YTHDC2: variants seen among roughly 807,000 people sequenced by gnomAD.
YTHDC2 encodes YTH N6-methyladenosine RNA binding protein C2, also known as 3'-5' RNA helicase YTHDC2.
YTHDC2 carries 45 observed loss-of-function variants against 174.9 expected under a neutral mutation model. The ratio of observed to expected loss-of-function variants is 0.26; its 90% CI spans 0.20 to 0.33. The LOEUF (loss-of-function observed/expected upper bound fraction) is 0.33. Among genes scored for constraint, YTHDC2 ranks in the 10% least tolerant of loss-of-function variants. YTHDC2 has a pLI of 1.00. For synonymous variants in YTHDC2, 657 were observed against 574.5 expected (o/e 1.14, Z -2.05); for missense variants, 1,650 against 1,723.7 (o/e 0.96, Z 0.76).
intron 26 of YTHDC2, among the ~76,000 whole-genome samples, chr5:113,589,407 A>T (rs1044049016): frequency 9.2e-6 from 1 of 108,692 alleles, no homozygotes; most frequent in African/African-American, 3.9e-5. Context: ...AAAAAAAAAA[A>T]AATATATATA....
chr5:113,543,651 C>T (rs1775637192), intron 10 of YTHDC2, among the ~76,000 whole-genome samples: 1 of 152,232 alleles, frequency 6.6e-6, no homozygotes, highest in South Asian at 2.1e-4. Flanking sequence ...CTCTCGCAGG[C>T]TTCCAGTTAC....
At chr5:113,540,488 A>G (rs561715894) in intron 8 of YTHDC2, among the ~76,000 whole-genome samples, 20 of 152,338 alleles carry the variant, frequency 1.3e-4, no homozygotes, top group African/African-American at 4.3e-4. Flanking sequence ...ACAGTTCTGC[A>G]TGGCTGGGGA....
intron 26 of YTHDC2, among the ~76,000 whole-genome samples, chr5:113,589,408 A>AAAATATATATATATATATATATAT (rs368975720): frequency 3.2e-5 from 4 of 123,244 alleles, no homozygotes; most frequent in South Asian, 2.6e-4. Flanking sequence ...AAAAAAAAAA[A>AAAATATATATATATATATATATAT]ATATATATAT....
chr5:113,543,205 A>T (rs1329108155), intron 10 of YTHDC2, among the ~76,000 whole-genome samples: 1 of 152,082 alleles, frequency 6.6e-6, no homozygotes, highest in African/African-American at 2.4e-5. Flanking sequence ...CTCCAGTTGG[A>T]TGTCTGTTAG....
intron 4 of YTHDC2, among the ~76,000 whole-genome samples, chr5:113,527,316 A>G (rs1354218831): frequency 6.6e-6 from 1 of 152,222 alleles, no homozygotes; most frequent in Non-Finnish European, 1.5e-5. Flanking sequence ...TGTAGAATGG[A>G]ATTAATATGA....
chr5:113,539,454 A>G (rs1233478683), intron 8 of YTHDC2, among the ~76,000 whole-genome samples: 1 of 152,236 alleles, frequency 6.6e-6, no homozygotes, highest in Non-Finnish European at 1.5e-5. Context: ...AAGGAGATAG[A>G]AGAATATATG....
intron 12 of YTHDC2, 45 bp from the exon 13 acceptor site, chr5:113,553,136 G>C: frequency 3.6e-6 from 5 of 1,401,434 alleles, no homozygotes; most frequent in Non-Finnish European, 4.6e-6. Flanking sequence ...GATTACTTTT[G>C]TTAATGGAAA....
At chr5:113,592,281 T>G (rs1779049982) in intron 28 of YTHDC2, 103 bp downstream of exon 28, 1 of 1,180,914 alleles carries the variant, frequency 8.5e-7, no homozygotes, top group Non-Finnish European at 1.1e-6. Context: ...AATTTTATAT[T>G]CCATATGCAC....
At chr5:113,591,018 A>G (rs1262678781) in intron 26 of YTHDC2, 23 bp from the exon 27 acceptor site, 2 of 1,605,616 alleles carry the variant, frequency 1.2e-6, no homozygotes, top group East Asian at 2.2e-5. Flanking sequence ...TTACCTTTCA[A>G]GAACTTATGT....
intron 10 of YTHDC2, among the ~76,000 whole-genome samples, chr5:113,548,152 A>G (rs1377071772): frequency 6.6e-6 from 1 of 152,226 alleles, no homozygotes; most frequent in Non-Finnish European, 1.5e-5. Context: ...ACTGATGAAA[A>G]TTAACTTTTA....
intron 20 of YTHDC2, among the ~76,000 whole-genome samples, chr5:113,564,667 G>A (rs62373766): frequency 0.038 from 5,846 of 152,216 alleles, 158 homozygotes; most frequent in African/African-American, 0.076. Context: ...AAATGGAAAA[G>A]AAAAGATGGG....
intron 26 of YTHDC2, 97 bp downstream of exon 26, chr5:113,584,576 A>G: frequency 9.0e-7 from 1 of 1,105,658 alleles, no homozygotes; most frequent in Non-Finnish European, 1.3e-6. Context: ...TACTTTTCTA[A>G]TTGTGGCCTC....
In YTHDC2 at chr5:113,593,689, A is replaced by T. The variant is rs1041841745; in HGVS notation, c.*215A>T. 3.7e-5 allele frequency: 7 copies of T among 187,934 alleles called. No individual in the cohort carries two copies. The highest frequency in any genetic ancestry group is 1.4e-4 in the African/African-American group (6 of 42,682). The allele number at this position is 187,934 out of a possible 1,614,324, so 11.6% of individuals were successfully genotyped here. On this transcript the variant is annotated 3_prime_UTR_variant, in exon 30 of 30. Coordinates refer to ENST00000161863, the MANE Select transcript of YTHDC2 (RefSeq NM_022828.5). ...AATGATTATATGATGTTTGTAATGA[A>T]TAAAATAGTAGTTTCATTATTTGGC...
intron 24 of YTHDC2, among the ~76,000 whole-genome samples, chr5:113,580,120 T>C (rs934469209): frequency 2.2e-4 from 33 of 152,088 alleles, no homozygotes; most frequent in Admixed American, 2.1e-3. Flanking sequence ...ACTCCCTCCA[T>C]CAAGCTCTTT....
At chr5:113,514,879 T>C (rs1317969790) in intron 1 of YTHDC2, among the ~76,000 whole-genome samples, 4 of 152,190 alleles carry the variant, frequency 2.6e-5, no homozygotes, top group Non-Finnish European at 5.9e-5. Flanking sequence ...TTTGAACATA[T>C]CTCATCATTG....
chr5:113,590,084 A>G (rs1412149346), intron 26 of YTHDC2, among the ~76,000 whole-genome samples: 1 of 152,182 alleles, frequency 6.6e-6, no homozygotes, highest in Non-Finnish European at 1.5e-5. Context: ...GAGTCTCAAG[A>G]TGACAACAGT....
intron 25 of YTHDC2, chr5:113,582,709 G>T (rs563716258): frequency 9.9e-5 from 15 of 152,192 alleles, no homozygotes; most frequent in African/African-American, 3.1e-4. Flanking sequence ...CAAGGATCAG[G>T]TGGGGTTTTT....
intron 6 of YTHDC2, among the ~76,000 whole-genome samples, chr5:113,534,757 T>C (rs4705827): frequency 0.32 from 49,153 of 151,960 alleles, 9,688 homozygotes; most frequent in African/African-American, 0.54. Context: ...TATACTTGGT[T>C]GTTTGATCCC....
chr5:113,588,799 T>G lies in YTHDC2; in HGVS notation c.3826-2242T>G, dbSNP rs984655818. On this transcript the variant is annotated intron_variant, in intron 26 of 29. Transcript: ENST00000161863. ...CACCATGCCTGGCTAAGTTTTTGTA[T>G]TTTTCAGTAGAGACAGGGTTTCACC... 5.3e-5 allele frequency among the ~76,000 whole-genome samples: 8 copies of G among 151,820 alleles called. No individual in the cohort carries two copies. The East Asian group carries it at 1.6e-3, about 30-fold the overall frequency.
Sources: allele counts gnomAD v4.1 joint callset (sites outside exome capture counted in the v4.1 genomes callset), GRCh38; gene constraint gnomAD v4.1.1; transcripts MANE v1.5; gene names NCBI Gene and HGNC (gene_info 2026-07-23, HGNC 2026-07-21).